Variants in TSPAN12 observed in about 807,000 individuals in gnomAD.
TSPAN12 encodes tetraspanin-12.
TSPAN12 carries 19 observed loss-of-function variants against 39.2 expected under a neutral mutation model. The ratio of observed to expected loss-of-function variants is 0.49; its 90% CI spans 0.34 to 0.71. The LOEUF (loss-of-function observed/expected upper bound fraction) is 0.71, where lower values mean the gene tolerates loss of function less well. TSPAN12 is among the 30% of genes least tolerant of loss of function. The pLI, the probability that TSPAN12 is intolerant of heterozygous loss-of-function variation, is 0.01. For missense variants in TSPAN12, 314 were observed against 359.9 expected (o/e 0.87, Z 1.03); for synonymous variants, 119 against 124.8 (o/e 0.95, Z 0.31).
At chr7:120,809,729 G>A (rs185613798) in intron 6 of TSPAN12, among the ~76,000 whole-genome samples, 2 of 152,214 alleles carry the variant, frequency 1.3e-5, no homozygotes, top group East Asian at 3.9e-4. Flanking sequence ...TTAACTCCAA[G>A]TCACCAAATT....
chr7:120,838,148 A>C (rs1211239853), intron 4 of TSPAN12, among the ~76,000 whole-genome samples: 1 of 152,214 alleles, frequency 6.6e-6, no homozygotes. Flanking sequence ...TGCTCTTCTA[A>C]AAATATCTAT....
chr7:120,818,774 A>G lies in TSPAN12; in HGVS notation c.286-2971T>C, dbSNP rs183495586. Among the ~76,000 whole-genome samples the G allele has an allele frequency of 4.2e-3, 634 of 152,206 alleles. 2 individuals carry two copies. The highest frequency in any genetic ancestry group is 0.024 in the Middle Eastern group (7 of 294). ...AGCTACTTTTATTTTTGGCATACAC[A>G]GTACTCATGGTCAGCTTTAATATAC... is the stretch of plus-strand genomic sequence containing the variant. On this transcript the variant is annotated intron_variant, in intron 4 of 7. Transcript: ENST00000222747.
chr7:120,848,642 T>C (rs1794716503), intron 2 of TSPAN12, among the ~76,000 whole-genome samples: 1 of 152,224 alleles, frequency 6.6e-6, no homozygotes, highest in Non-Finnish European at 1.5e-5. Flanking sequence ...AATGTTTTTT[T>C]TCACAGGAGT....
At chr7:120,827,996 T>C (rs1278025874) in intron 4 of TSPAN12, among the ~76,000 whole-genome samples, 4 of 152,302 alleles carry the variant, frequency 2.6e-5, no homozygotes, top group East Asian at 3.9e-4. Flanking sequence ...ATTTTTAGTA[T>C]CAAATCTGAA....
chr7:120,830,553 TG>T (rs1480574985), intron 4 of TSPAN12, among the ~76,000 whole-genome samples: 7 of 151,858 alleles, frequency 4.6e-5, no homozygotes, highest in African/African-American at 1.7e-4. Flanking sequence ...CAATGGGAAA[TG>T]GAAAGTATCT....
intron 7 of TSPAN12, among the ~76,000 whole-genome samples, chr7:120,799,553 T>A (rs1339164001): frequency 8.9e-6 from 1 of 112,378 alleles, no homozygotes; most frequent in Admixed American, 1.1e-4. Flanking sequence ...ATTATATATA[T>A]AATTAAATAT....
chr7:120,838,925 A>C lies in TSPAN12; in HGVS notation c.150-13T>G. The C allele has an allele frequency of 6.2e-7, 1 of 1,613,602 alleles. No individual in the cohort carries two copies. Among genetic ancestry groups the C allele is most frequent in the Non-Finnish European group, 8.5e-7 (1 of 1,179,702 alleles). On this transcript the variant is annotated splice_polypyrimidine_tract_variant and intron_variant, in intron 3 of 7. Coordinates refer to ENST00000222747, the MANE Select transcript of TSPAN12 (RefSeq NM_012338.4). The stretch of plus-strand genomic sequence containing the variant: ...TGCTTCCTCTACCCTGAAAGAAGAA[A>C]AATAATGTATTAGAAAGAAAATATA...
chr7:120,787,831 A>T lies in TSPAN12; in HGVS notation c.*761T>A, dbSNP rs980904966. 2 of 152,504 alleles carry T rather than the reference A, an allele frequency of 1.3e-5. No homozygotes were observed. Among genetic ancestry groups the T allele is most frequent in the Admixed American group, 1.3e-4 (2 of 15,272 alleles). 9.4% of individuals were successfully genotyped at this position (152,504 alleles called of 1,614,324 possible). On this transcript the variant is annotated 3_prime_UTR_variant, in exon 8 of 8. Coordinates refer to ENST00000222747, the MANE Select transcript of TSPAN12 (RefSeq NM_012338.4). ...ATTAGTGGTTAAGTATTTAAATAAC[A>T]GTTATATGTGTAATATAAGCCCAGG...
chr7:120,827,858 T>C (rs1794319010), intron 4 of TSPAN12, among the ~76,000 whole-genome samples: 1 of 152,206 alleles, frequency 6.6e-6, no homozygotes. Flanking sequence ...GGCTGAAAAA[T>C]CGCTGCAGCG....
chr7:120,807,290 C>T (rs1452106650), intron 6 of TSPAN12, among the ~76,000 whole-genome samples: 1 of 151,984 alleles, frequency 6.6e-6, no homozygotes, highest in East Asian at 1.9e-4. Flanking sequence ...ATTCTATTAC[C>T]ATAATCTCAG....
chr7:120,810,058 C>T (rs1429169941), intron 6 of TSPAN12, among the ~76,000 whole-genome samples: 1 of 152,072 alleles, frequency 6.6e-6, no homozygotes, highest in African/African-American at 2.4e-5. Flanking sequence ...ATACTGACTT[C>T]AAAGTCCCAA....
At chr7:120,846,299 A>G (rs1794667711) in intron 2 of TSPAN12, among the ~76,000 whole-genome samples, 1 of 152,194 alleles carries the variant, frequency 6.6e-6, no homozygotes, top group South Asian at 2.1e-4. Flanking sequence ...TTATTTCATT[A>G]TCTAAAATTA....
At chr7:120,856,906 C>T in intron 1 of TSPAN12, 73 bp from the exon 2 acceptor site, 1 of 863,658 alleles carries the variant, frequency 1.2e-6, no homozygotes, top group Non-Finnish European at 1.9e-6. Context: ...CGTCCCTCCT[C>T]CACCCGCCCT....
intron 5 of TSPAN12, among the ~76,000 whole-genome samples, chr7:120,810,988 A>G (rs1190431364): frequency 6.6e-6 from 1 of 152,238 alleles, no homozygotes; most frequent in Non-Finnish European, 1.5e-5. Context: ...TGCAGATAAT[A>G]GTACTAAAAC....
At chr7:120,843,749 A>G (rs1794620629) in intron 2 of TSPAN12, among the ~76,000 whole-genome samples, 1 of 152,196 alleles carries the variant, frequency 6.6e-6, no homozygotes, top group African/African-American at 2.4e-5. Flanking sequence ...TGGCCTTGGC[A>G]TACCTAATTG....
At chr7:120,856,932 G>A in intron 1 of TSPAN12, 99 bp from the exon 2 acceptor site, 1 of 712,544 alleles carries the variant, frequency 1.4e-6, no homozygotes, top group Non-Finnish European at 2.5e-6. Context: ...GGGTCCAGAG[G>A]GTCCCGAGGC....
At position 120,852,452 on chromosome 7, in the gene TSPAN12, C is replaced by T. The variant is rs77367206; in HGVS notation, c.66+4246G>A. Among the ~76,000 whole-genome samples, 1,037 of 152,220 alleles carry T rather than the reference C, an allele frequency of 6.8e-3. 9 individuals are homozygous for T. The highest frequency in any genetic ancestry group is 0.023 in the African/African-American group (937 of 41,536). On this transcript the variant is annotated intron_variant, in intron 2 of 7. Coordinates refer to ENST00000222747, the MANE Select transcript of TSPAN12 (RefSeq NM_012338.4). ...CACTGGTTTGTTCTACTTGTAATTC[C>T]CATGAGAACTAAAAGCTAGTATTAA...
At chr7:120,847,659 G>A (rs1312981909) in intron 2 of TSPAN12, among the ~76,000 whole-genome samples, 1 of 152,122 alleles carries the variant, frequency 6.6e-6, no homozygotes. Context: ...CTGGCAAGGC[G>A]TCGGGTGAAT....
Position 120,838,868 on chromosome 7 carries a change from G to A in TSPAN12, c.194C>T (p.Pro65Leu), listed in dbSNP as rs1283326178. 15 of 1,613,788 alleles carry A rather than the reference G, an allele frequency of 9.3e-6. No individual in the cohort carries two copies. Among genetic ancestry groups the A allele is most frequent in the Admixed American group, 1.7e-5 (1 of 59,992 alleles). ...GAAACAGCAAACAGCAATCATGACC[G>A]GATGAACCACAGGAAAGTAAGTCAA... is the stretch of plus-strand genomic sequence containing the variant. ...VILTYFPVVH[P>L]VMIAVCCFLI... The change falls in exon 4 of 8, where the codon CCG (proline) becomes CTG (leucine). Residue 65 changes from proline (P) to leucine (L), a missense_variant. Pro to Leu is a moderately conservative substitution (Grantham distance 98, BLOSUM62 -3). Transcript: ENST00000222747.
Sources: allele counts gnomAD v4.1 joint callset (sites outside exome capture counted in the v4.1 genomes callset), GRCh38; gene constraint gnomAD v4.1.1; transcripts MANE v1.5; gene names NCBI Gene and HGNC (gene_info 2026-07-23, HGNC 2026-07-21).